The following CTNNA2 variants were observed in gnomAD, a reference collection of about 807,000 sequenced individuals.
The protein encoded by CTNNA2 is catenin alpha 2, also known as catenin alpha-2.
In CTNNA2, 42 loss-of-function variants were observed where a neutral mutation model predicts 101.0. The observed-to-expected ratio is 0.42, with a 90% confidence interval of 0.32 to 0.54. The LOEUF (loss-of-function observed/expected upper bound fraction) is 0.54, where lower values mean the gene tolerates loss of function less well. Among genes scored for constraint, CTNNA2 ranks in the 20% least tolerant of loss-of-function variants. The pLI is 0.14. For missense variants in CTNNA2, 871 were observed against 1,223.1 expected, an observed-to-expected ratio of 0.71 and a Z score of 4.29; for synonymous variants, 450 against 456.4, an observed-to-expected ratio of 0.99 and a Z score of 0.18.
intron 2 of CTNNA2, among the ~76,000 whole-genome samples, chr2:79,706,237 C>T (rs1461180587): frequency 2.6e-5 from 4 of 151,888 alleles, no homozygotes; most frequent in Admixed American, 6.6e-5. Context: ...GTGGCGGGCG[C>T]CTGTAGTCCC....
At chr2:80,027,310 A>C (rs978643657) in intron 7 of CTNNA2, among the ~76,000 whole-genome samples, 7 of 152,298 alleles carry the variant, frequency 4.6e-5, no homozygotes, top group African/African-American at 1.4e-4. Flanking sequence ...AGACAAAAAA[A>C]CCGCATGGTT....
intron 9 of CTNNA2, among the ~76,000 whole-genome samples, chr2:80,505,904 A>C (rs1484292896): frequency 1.3e-5 from 2 of 152,196 alleles, no homozygotes; most frequent in African/African-American, 4.8e-5. Context: ...TGTTTGATCC[A>C]GTTATAAAAG....
intron 7 of CTNNA2, among the ~76,000 whole-genome samples, chr2:80,028,646 A>G (rs1695093016): frequency 6.6e-6 from 1 of 152,222 alleles, no homozygotes; most frequent in African/African-American, 2.4e-5. Flanking sequence ...GTCACTAATC[A>G]GCTGACCTTA....
At chr2:80,288,069 A>G (rs1166325432) in intron 7 of CTNNA2, among the ~76,000 whole-genome samples, 3 of 152,072 alleles carry the variant, frequency 2.0e-5, no homozygotes, top group Non-Finnish European at 4.4e-5. Context: ...ACACCTCAAA[A>G]CCCATTTTTG....
intron 4 of CTNNA2, among the ~76,000 whole-genome samples, chr2:79,436,745 C>A (rs1045844881): frequency 6.6e-6 from 1 of 152,012 alleles, no homozygotes; most frequent in Non-Finnish European, 1.5e-5. Flanking sequence ...CATTATCCTG[C>A]CTCAGCCTCC....
chr2:79,484,791 C>T (rs1158327875), intron 4 of CTNNA2, among the ~76,000 whole-genome samples: 1 of 152,128 alleles, frequency 6.6e-6, no homozygotes, highest in African/African-American at 2.4e-5. Context: ...ACATTACTTT[C>T]CTGTCCTCAC....
intron 7 of CTNNA2, among the ~76,000 whole-genome samples, chr2:80,143,283 T>C (rs1224223619): frequency 1.3e-5 from 2 of 152,150 alleles, no homozygotes; most frequent in Non-Finnish European, 2.9e-5. Context: ...TTCTATGTAT[T>C]TTTTTGTGTT....
chr2:80,557,775 C>T (rs1209167381), intron 12 of CTNNA2, among the ~76,000 whole-genome samples: 1 of 152,080 alleles, frequency 6.6e-6, no homozygotes, highest in Admixed American at 6.5e-5. Flanking sequence ...AGGACAATTG[C>T]TTAGTTGATT....
chr2:79,522,112 C>CT (rs1672150202), intron 1 of CTNNA2, among the ~76,000 whole-genome samples: 1 of 152,180 alleles, frequency 6.6e-6, no homozygotes, highest in African/African-American at 2.4e-5. Flanking sequence ...TTATTTTCTA[C>CT]TTTTTTTCCT....
intron 1 of CTNNA2, among the ~76,000 whole-genome samples, chr2:79,574,634 T>G (rs764354844): frequency 2.3e-4 from 35 of 152,198 alleles, no homozygotes; most frequent in Non-Finnish European, 4.3e-4. Flanking sequence ...GGCATTTAGT[T>G]TGATTCCATG....
chr2:80,446,240 C>G (rs1683058230), intron 9 of CTNNA2, among the ~76,000 whole-genome samples: 1 of 152,100 alleles, frequency 6.6e-6, no homozygotes, highest in African/African-American at 2.4e-5. Flanking sequence ...AATGCATGTT[C>G]CCAGCTTCCT....
chr2:79,965,091 C>T (rs1390343335), intron 7 of CTNNA2, among the ~76,000 whole-genome samples: 2 of 152,212 alleles, frequency 1.3e-5, no homozygotes, highest in East Asian at 1.9e-4. Flanking sequence ...ATTTTTCTCT[C>T]TGTTCAAGTC....
chr2:79,323,764 A>G (rs1461171408), intron 3 of CTNNA2, among the ~76,000 whole-genome samples: 1 of 152,190 alleles, frequency 6.6e-6, no homozygotes, highest in African/African-American at 2.4e-5. Flanking sequence ...TTTTGGGTAT[A>G]GGGAGGTGGG....
At chr2:80,349,012 C>T (rs567005847) in intron 7 of CTNNA2, among the ~76,000 whole-genome samples, 1 of 152,218 alleles carries the variant, frequency 6.6e-6, no homozygotes, top group Non-Finnish European at 1.5e-5. Context: ...CAGCAGATGG[C>T]ACAATGTAAA....
intron 9 of CTNNA2, among the ~76,000 whole-genome samples, chr2:80,434,778 G>T (rs551924943): frequency 1.3e-5 from 2 of 152,154 alleles, no homozygotes; most frequent in African/African-American, 4.8e-5. Context: ...GAGATCACTA[G>T]GCAGAGAATT....
At chr2:79,821,926 A>C (rs1245086787) in intron 3 of CTNNA2, among the ~76,000 whole-genome samples, 1 of 152,228 alleles carries the variant, frequency 6.6e-6, no homozygotes, top group African/African-American at 2.4e-5. Flanking sequence ...ATAAAACTTA[A>C]GAAAAGTATA....
Position 79,286,108 on chromosome 2 carries a change from T to C in CTNNA2, c.-405-26601T>C, listed in dbSNP as rs546292273. On this transcript the variant is annotated intron_variant, in intron 2 of 21. Transcript: ENST00000466387. ...CTTTTTTTGTTTTCCATTTGCTTGG[T>C]AGATCTTCCTCCATCCTTTTATTTT... is the stretch of plus-strand genomic sequence containing the variant. 7.9e-3 allele frequency among the ~76,000 whole-genome samples: 1,206 copies of C among 152,094 alleles called. 11 individuals carry two copies. The highest frequency in any genetic ancestry group is 0.028 in the African/African-American group (1,155 of 41,400).
intron 7 of CTNNA2, among the ~76,000 whole-genome samples, chr2:80,108,437 A>G: frequency 6.6e-6 from 1 of 152,336 alleles, no homozygotes; most frequent in Middle Eastern, 3.4e-3. Context: ...TCTCAGTGAC[A>G]GCAATGGCAA....
At chr2:79,448,551 G>T (rs1335825108) in intron 4 of CTNNA2, among the ~76,000 whole-genome samples, 1 of 151,986 alleles carries the variant, frequency 6.6e-6, no homozygotes, top group East Asian at 1.9e-4. Flanking sequence ...CTCCAGTATG[G>T]CTCTGAAAAC....
Sources: gnomAD v4.1 joint callset for allele counts (sites outside exome capture counted in the v4.1 genomes callset) on GRCh38, gnomAD v4.1.1 for gene constraint, MANE v1.5 for transcripts, NCBI Gene and HGNC (gene_info 2026-07-23, HGNC 2026-07-21) for gene names.